The following CYP4X1 variants were observed in gnomAD, a reference collection of about 807,000 sequenced individuals.
The protein encoded by CYP4X1 is cytochrome P450 family 4 subfamily X member 1, also known as cytochrome P450 4X1.
A neutral mutation model predicts 57.9 loss-of-function variants in CYP4X1; 44 were observed. The observed-to-expected ratio is 0.76, with a 90% CI of 0.60 to 0.98. The LOEUF (loss-of-function observed/expected upper bound fraction) is 0.98, where lower values mean the gene tolerates loss of function less well. Ranked by LOEUF, CYP4X1 falls within the 50% of genes least tolerant of loss-of-function variation. CYP4X1 has a pLI of 0.00. For missense variants in CYP4X1, 532 were observed against 623.9 expected (o/e 0.85, Z 1.57); for synonymous variants, 227 against 228.6 (o/e 0.99, Z 0.06).
At chr1:47,034,337 T>C (rs11211421) in intron 4 of CYP4X1, among the ~76,000 whole-genome samples, 62,505 of 152,008 alleles carry the variant, frequency 0.41, 14,117 homozygotes, top group East Asian at 0.97. Context: ...TCAAAGGGGC[T>C]GAAGAACATT....
At position 47,035,542 on chromosome 1, in the gene CYP4X1, T is replaced by G. The variant is rs143418257; in HGVS notation, c.493-264T>G. Among the ~76,000 whole-genome samples the G allele has an allele frequency of 6.4e-3, 975 of 152,320 alleles. 9 individuals carry two copies. Among genetic ancestry groups the G allele is most frequent in the African/African-American group, 0.023 (937 of 41,570 alleles). ...CTGTTTGAAAGCAGAGTTATGGTAA[T>G]AATTGAAAAGCCGCAGATCTTTAAC... is the stretch of plus-strand genomic sequence containing the variant. On this transcript the variant is annotated intron_variant, in intron 4 of 11. Coordinates refer to ENST00000371901, the MANE Select transcript of CYP4X1 (RefSeq NM_178033.2).
chr1:47,002,152 T>C, the CYP4X1 span, among the ~76,000 whole-genome samples: 1 of 152,354 alleles, frequency 6.6e-6, no homozygotes, highest in South Asian at 2.1e-4. Flanking sequence ...GTCTGGAGCA[T>C]AGGATGTATT....
intron 7 of CYP4X1, 60 bp from the exon 8 acceptor site, chr1:47,039,282 G>T: frequency 7.0e-7 from 1 of 1,422,220 alleles, no homozygotes. Context: ...TATTGTGGTT[G>T]TATCTCCAAA....
chr1:46,982,417 G>A, the CYP4X1 span, among the ~76,000 whole-genome samples: 6 of 152,162 alleles, frequency 3.9e-5, no homozygotes, highest in African/African-American at 7.2e-5. Context: ...GAGTTAGCAT[G>A]GTCATTTGGA....
At chr1:47,024,065 G>C (rs1644034228) in intron 1 of CYP4X1, 71 bp downstream of exon 1, 1 of 1,501,466 alleles carries the variant, frequency 6.7e-7, no homozygotes, top group Admixed American at 2.1e-5. Flanking sequence ...AGCCCAGCCG[G>C]CAGAGAGACG....
intron 8 of CYP4X1, among the ~76,000 whole-genome samples, chr1:47,040,308 TC>T (rs1644231373): frequency 6.6e-6 from 1 of 152,178 alleles, no homozygotes; most frequent in Non-Finnish European, 1.5e-5. Context: ...AACTGTCATC[TC>T]TATCTTGCTA....
At chr1:46,990,917 G>A in the CYP4X1 span, among the ~76,000 whole-genome samples, 2 of 152,104 alleles carry the variant, frequency 1.3e-5, no homozygotes, top group African/African-American at 2.4e-5. Flanking sequence ...GGGGTTAGGA[G>A]AGGGATAGCA....
the CYP4X1 span, among the ~76,000 whole-genome samples, chr1:46,984,034 C>A: frequency 6.6e-6 from 1 of 151,946 alleles, no homozygotes; most frequent in Non-Finnish European, 1.5e-5. Context: ...AGTACAAGGC[C>A]CTTGGGGCTC....
chr1:46,999,552 T>G, the CYP4X1 span, among the ~76,000 whole-genome samples: 1 of 152,314 alleles, frequency 6.6e-6, no homozygotes, highest in Non-Finnish European at 1.5e-5. Context: ...TATGATTTTT[T>G]GGTCTCGATT....
At chr1:47,053,007 T>C (rs1236880184), downstream of CYP4X1, among the ~76,000 whole-genome samples, 1 of 152,190 alleles carries the variant, frequency 6.6e-6, no homozygotes. Context: ...CATGTTGGTG[T>C]GCTGCACCCA....
chr1:47,001,553 G>T, the CYP4X1 span, among the ~76,000 whole-genome samples: 1 of 152,134 alleles, frequency 6.6e-6, no homozygotes, highest in Admixed American at 6.5e-5. Flanking sequence ...GCTTCCTAGA[G>T]GGGCAGTGGG....
At chr1:47,011,165 A>G in the CYP4X1 span, among the ~76,000 whole-genome samples, 10 of 152,226 alleles carry the variant, frequency 6.6e-5, no homozygotes, top group Non-Finnish European at 1.5e-4. Context: ...CTATACTACA[A>G]GGCTACAGTA....
chr1:47,042,691 G>T (rs940433137), intron 8 of CYP4X1, among the ~76,000 whole-genome samples: 1 of 152,024 alleles, frequency 6.6e-6, no homozygotes, highest in Non-Finnish European at 1.5e-5. Flanking sequence ...TCCCACTTAT[G>T]AGTGAGAACA....
chr1:46,971,783 GTT>G, the CYP4X1 span, among the ~76,000 whole-genome samples: 1 of 151,532 alleles, frequency 6.6e-6, no homozygotes, highest in African/African-American at 2.4e-5. Flanking sequence ...TTTTTGTTTT[GTT>G]TTGTTTTTTG....
the CYP4X1 span, among the ~76,000 whole-genome samples, chr1:46,991,785 G>T: frequency 6.6e-6 from 1 of 151,350 alleles, no homozygotes; most frequent in Non-Finnish European, 1.5e-5. Flanking sequence ...CGACTCGGAG[G>T]GCACACCTCT....
At chr1:47,021,705 C>T (rs12132537), upstream of CYP4X1, among the ~76,000 whole-genome samples, 622 of 152,270 alleles carry the variant, frequency 4.1e-3, 2 homozygotes, top group Non-Finnish European at 5.0e-3. Context: ...GCACATGGAA[C>T]GGTGCTGGAC....
At chr1:47,009,763 T>C in the CYP4X1 span, among the ~76,000 whole-genome samples, 3 of 152,150 alleles carry the variant, frequency 2.0e-5, no homozygotes, top group African/African-American at 7.2e-5. Context: ...CAAACTACCA[T>C]CAGGGAATAC....
downstream of CYP4X1, among the ~76,000 whole-genome samples, chr1:47,052,415 A>G (rs547296108): frequency 6.6e-6 from 1 of 152,342 alleles, no homozygotes; most frequent in Admixed American, 6.5e-5. Flanking sequence ...AAAATTGTAT[A>G]TCATATAAAT....
chr1:46,980,533 GT>G, the CYP4X1 span, among the ~76,000 whole-genome samples: 1 of 152,114 alleles, frequency 6.6e-6, no homozygotes, highest in Non-Finnish European at 1.5e-5. Flanking sequence ...AATCAATATC[GT>G]GAAAATGGCC....
Sources: gnomAD v4.1 joint callset for allele counts (sites outside exome capture counted in the v4.1 genomes callset) on GRCh38, gnomAD v4.1.1 for gene constraint, MANE v1.5 for transcripts, NCBI Gene and HGNC (gene_info 2026-07-23, HGNC 2026-07-21) for gene names.